The following PAN3 variants were observed in gnomAD, a reference collection of about 807,000 sequenced individuals.
The protein encoded by PAN3 is poly(A) specific ribonuclease subunit PAN3.
PAN3 carries 19 observed loss-of-function variants against 96.2 expected under a neutral mutation model. The observed-to-expected ratio is 0.20, with a 90% CI of 0.14 to 0.29. The LOEUF (loss-of-function observed/expected upper bound fraction) is 0.29, where lower values mean the gene tolerates loss of function less well. Among genes scored for constraint, PAN3 ranks in the 10% least tolerant of loss-of-function variants. PAN3 has a pLI of 1.00. For synonymous variants in PAN3, 433 were observed against 406.6 expected (o/e 1.06, Z -0.78); for missense variants, 882 against 1,108.1 (o/e 0.80, Z 2.90).
At chr13:28,247,681 C>T (rs1011527434) in intron 6 of PAN3, among the ~76,000 whole-genome samples, 3 of 152,128 alleles carry the variant, frequency 2.0e-5, no homozygotes, top group African/African-American at 7.2e-5. Flanking sequence ...ATTGAAGAGG[C>T]CATCTTTTCC....
At chr13:28,189,598 C>A (rs558645250) in intron 4 of PAN3, among the ~76,000 whole-genome samples, 47 of 152,098 alleles carry the variant, frequency 3.1e-4, no homozygotes, top group African/African-American at 1.1e-3. Flanking sequence ...CAAGGACTTG[C>A]GATGCTGAAT....
rs1372993374 is a variant in PAN3 at position 28,270,758 on chromosome 13, T to C, written c.1850T>C (p.Ile617Thr). ...GCTGGATTATTGCCAGAATCTCTTA[T>C]TTGGGCATATATTGTCCAACTAAGT... ...QHAGLLPESL[I>T]WAYIVQLSSA... Residue 617 changes from isoleucine (I) to threonine (T), a missense_variant, in exon 13 of 19, where the codon ATT (isoleucine) becomes ACT (threonine). Ile to Thr is a moderately conservative substitution (Grantham distance 89). This residue lies in a region of PAN3 where 364 missense variants were observed against 513.6 expected (regional missense o/e 0.71). Coordinates refer to ENST00000380958, the MANE Select transcript of PAN3 (RefSeq NM_175854.8). 5.0e-6 allele frequency: 8 copies of C among 1,614,008 alleles called. No homozygotes were observed. The highest frequency in any genetic ancestry group is 6.8e-6 in the Non-Finnish European group (8 of 1,179,882).
chr13:28,204,018 G>C (rs1879065655), intron 5 of PAN3, among the ~76,000 whole-genome samples: 1 of 151,814 alleles, frequency 6.6e-6, no homozygotes, highest in African/African-American at 2.4e-5. Flanking sequence ...GGCCAGGATG[G>C]TCTTGATCTC....
At chr13:28,217,743 T>C (rs1880966344) in intron 5 of PAN3, among the ~76,000 whole-genome samples, 1 of 152,162 alleles carries the variant, frequency 6.6e-6, no homozygotes, top group Admixed American at 6.5e-5. Context: ...TGAGTGCATA[T>C]CTGTATATTT....
intron 5 of PAN3, among the ~76,000 whole-genome samples, chr13:28,219,716 C>T (rs1228548783): frequency 6.6e-6 from 1 of 152,170 alleles, no homozygotes; most frequent in Non-Finnish European, 1.5e-5. Context: ...ATCTTGATTC[C>T]TCCCATATTT....
Position 28,267,220 on chromosome 13 carries a change from C to G in PAN3, c.1690+9C>G. 1.9e-6 allele frequency: 3 copies of G among 1,611,946 alleles called. No homozygotes were observed. The highest frequency in any genetic ancestry group is 2.5e-6 in the Non-Finnish European group (3 of 1,178,168). On this transcript the variant is annotated intron_variant, in intron 11 of 18. Transcript: ENST00000380958. Reference sequence around the variant, plus strand: ...AGCATTTGCTGAGCCCTGTGAGTAACTTGTAATTTGTCTTTCTGCTGGTGA... The same window carrying G: ...AGCATTTGCTGAGCCCTGTGAGTAAGTTGTAATTTGTCTTTCTGCTGGTGA...
At chr13:28,232,032 G>GCAGT (rs1336349942) in intron 6 of PAN3, among the ~76,000 whole-genome samples, 1 of 152,008 alleles carries the variant, frequency 6.6e-6, no homozygotes, top group African/African-American at 2.4e-5. Context: ...TCACTGTTAC[G>GCAGT]CAGTCATAAG....
chr13:28,279,142 A>AGCG (rs1887271141), intron 15 of PAN3, among the ~76,000 whole-genome samples: 1 of 151,994 alleles, frequency 6.6e-6, no homozygotes, highest in Non-Finnish European at 1.5e-5. Flanking sequence ...GTATAGAATA[A>AGCG]GCGGCAGTAG....
intron 1 of PAN3, among the ~76,000 whole-genome samples, chr13:28,172,984 G>A (rs1399243215): frequency 1.3e-5 from 2 of 152,190 alleles, no homozygotes; most frequent in Non-Finnish European, 2.9e-5. Context: ...CCTCTGATTA[G>A]CAGTAGTGGA....
At chr13:28,164,190 A>G (rs1287843257) in intron 1 of PAN3, among the ~76,000 whole-genome samples, 1 of 152,232 alleles carries the variant, frequency 6.6e-6, no homozygotes, top group Non-Finnish European at 1.5e-5. Flanking sequence ...GTATAGAGTT[A>G]TACAGTTTTT....
chr13:28,161,171 A>AT (rs576041168), intron 1 of PAN3, among the ~76,000 whole-genome samples: 246 of 152,086 alleles, frequency 1.6e-3, no homozygotes, highest in African/African-American at 5.8e-3. Flanking sequence ...TTAATCTTTT[A>AT]TTATGTGGCT....
At chr13:28,269,255 G>A (rs1274142331) in intron 12 of PAN3, among the ~76,000 whole-genome samples, 1 of 151,950 alleles carries the variant, frequency 6.6e-6, no homozygotes, top group Non-Finnish European at 1.5e-5. Flanking sequence ...CTCTTTTATA[G>A]CATTCTTTTC....
intron 5 of PAN3, among the ~76,000 whole-genome samples, chr13:28,202,723 T>A (rs947121331): frequency 6.6e-6 from 1 of 152,158 alleles, no homozygotes; most frequent in African/African-American, 2.4e-5. Flanking sequence ...TTTGGTGTTT[T>A]ACAGTTACTT....
At position 28,227,780 on chromosome 13, in the gene PAN3, G is replaced by A. The variant is rs557557925; in HGVS notation, c.1000+7402G>A. ...CTAGACTTAAGAAAGATTTTAGAAG[G>A]CATATGGACTTCTTGACTTATTCTG... On this transcript the variant is annotated intron_variant, in intron 6 of 18. Coordinates refer to ENST00000380958, the MANE Select transcript of PAN3 (RefSeq NM_175854.8). Among the ~76,000 whole-genome samples, 3 of 152,278 alleles carry A rather than the reference G, an allele frequency of 2.0e-5. No homozygotes were observed. The East Asian group carries it at 5.8e-4, about 29-fold the overall frequency.
At chr13:28,197,471 A>T (rs1288328933) in intron 5 of PAN3, 125 bp downstream of exon 5, 4 of 890,512 alleles carry the variant, frequency 4.5e-6, no homozygotes, top group Non-Finnish European at 6.4e-6. Flanking sequence ...AATTAAAAAA[A>T]TTTTTAATCA....
intron 1 of PAN3, among the ~76,000 whole-genome samples, chr13:28,143,002 T>C (rs1870068116): frequency 6.6e-6 from 1 of 152,220 alleles, no homozygotes; most frequent in Non-Finnish European, 1.5e-5. Context: ...TTTATCTTTA[T>C]TTTGCAGCCA....
intron 17 of PAN3, among the ~76,000 whole-genome samples, chr13:28,282,664 G>A (rs778295122): frequency 1.3e-5 from 2 of 151,924 alleles, no homozygotes; most frequent in Non-Finnish European, 2.9e-5. Context: ...TCTCCCATGC[G>A]GTCAAAAATA....
At position 28,172,731 on chromosome 13, in the gene PAN3, C is replaced by T. The variant is rs143270086; in HGVS notation, c.431-1541C>T. On this transcript the variant is annotated intron_variant, in intron 1 of 18. Transcript: ENST00000380958. Reference sequence around the variant, plus strand: ...TTAATCATTCTTCTGTCGTTAGACACGTTAACCTACAAGGAAGAAGCTGAG... The same window carrying T: ...TTAATCATTCTTCTGTCGTTAGACATGTTAACCTACAAGGAAGAAGCTGAG... 2.9e-3 allele frequency among the ~76,000 whole-genome samples: 437 copies of T among 152,228 alleles called. 3 individuals carry two copies. Among genetic ancestry groups the T allele is most frequent in the African/African-American group, 0.01 (419 of 41,522 alleles).
intron 6 of PAN3, among the ~76,000 whole-genome samples, chr13:28,253,869 A>G (rs1884935286): frequency 6.6e-6 from 1 of 152,150 alleles, no homozygotes; most frequent in Admixed American, 6.5e-5. Context: ...ACCTCACAAA[A>G]TTTAGAATTC....
Sources: gnomAD v4.1 joint callset for allele counts (sites outside exome capture counted in the v4.1 genomes callset) on GRCh38, gnomAD v4.1.1 for gene constraint, gnomAD v4.1.1 regional missense constraint, MANE v1.5 for transcripts, NCBI Gene and HGNC (gene_info 2026-07-23, HGNC 2026-07-21) for gene names.